SORCS2: variants seen among roughly 807,000 people sequenced by gnomAD.
SORCS2 encodes sortilin related VPS10 domain containing receptor 2.
In SORCS2, 100 loss-of-function variants were observed where a neutral mutation model predicts 141.6. The ratio of observed to expected loss-of-function variants is 0.71; its 90% CI spans 0.60 to 0.83. The LOEUF (loss-of-function observed/expected upper bound fraction) is 0.83, where lower values mean the gene tolerates loss of function less well. Among genes scored for constraint, SORCS2 ranks in the 40% least tolerant of loss-of-function variants. The pLI, the probability that SORCS2 is intolerant of heterozygous loss-of-function variation, is 0.00. For synonymous variants in SORCS2, 789 were observed against 676.9 expected (o/e 1.17, Z -2.57); for missense variants, 1,646 against 1,560.2 (o/e 1.05, Z -0.93).
chr4:7,686,314 G>A (rs780168719), intron 10 of SORCS2, among the ~76,000 whole-genome samples: 8 of 152,256 alleles, frequency 5.3e-5, no homozygotes, highest in Non-Finnish European at 8.8e-5. Flanking sequence ...CTTCTAAGGC[G>A]TGAGGCTGCA....
At chr4:7,443,610 G>A (rs1727816306) in intron 2 of SORCS2, among the ~76,000 whole-genome samples, 1 of 152,198 alleles carries the variant, frequency 6.6e-6, no homozygotes, top group African/African-American at 2.4e-5. Flanking sequence ...TTATCATAAG[G>A]TGCAGAGACC....
chr4:7,602,651 A>C (rs977287598), intron 3 of SORCS2, among the ~76,000 whole-genome samples: 4 of 145,656 alleles, frequency 2.7e-5, no homozygotes, highest in Non-Finnish European at 6.0e-5. Context: ...GACTGCCGGG[A>C]AGAGGCACTC....
Position 7,232,135 on chromosome 4 carries a change from C to T in SORCS2, c.480+39009C>T, listed in dbSNP as rs568200698. ...CTGTCTTGCATAGCTTGGGGCACAG[C>T]GTGGAGCAGGATTGGGGGAATGGAG... On this transcript the variant is annotated intron_variant, in intron 1 of 26. Transcript: ENST00000507866. Among the ~76,000 whole-genome samples the T allele has an allele frequency of 1.1e-4, 16 of 152,228 alleles. No homozygotes were observed. The East Asian group carries it at 2.7e-3, about 26-fold the overall frequency.
intron 2 of SORCS2, among the ~76,000 whole-genome samples, chr4:7,443,408 C>T (rs376665738): frequency 1.2e-3 from 182 of 152,296 alleles, no homozygotes; most frequent in African/African-American, 4.1e-3. Context: ...GCCTCTAAAG[C>T]CCTTCTGAGC....
intron 1 of SORCS2, among the ~76,000 whole-genome samples, chr4:7,320,483 T>C (rs1311064224): frequency 6.6e-6 from 1 of 152,244 alleles, no homozygotes; most frequent in African/African-American, 2.4e-5. Context: ...GCTGGGAAGA[T>C]TCACATTTGA....
intron 1 of SORCS2, among the ~76,000 whole-genome samples, chr4:7,384,271 C>T (rs1723157368): frequency 6.6e-6 from 1 of 152,148 alleles, no homozygotes; most frequent in East Asian, 1.9e-4. Flanking sequence ...CAACATGGTT[C>T]CCAGGGACAA....
At chr4:7,429,137 C>T (rs1402378843) in intron 2 of SORCS2, among the ~76,000 whole-genome samples, 1 of 152,144 alleles carries the variant, frequency 6.6e-6, no homozygotes, top group East Asian at 1.9e-4. Flanking sequence ...GAGGCACATG[C>T]GTGAGTGTGT....
intron 20 of SORCS2, 61 bp from the exon 21 acceptor site, chr4:7,726,719 G>A: frequency 2.5e-6 from 4 of 1,582,528 alleles, no homozygotes; most frequent in East Asian, 2.3e-5. Context: ...CCATAGGCCA[G>A]CGTCCCCCAC....
intron 2 of SORCS2, among the ~76,000 whole-genome samples, chr4:7,474,665 G>A (rs1018162549): frequency 1.3e-5 from 2 of 152,218 alleles, no homozygotes; most frequent in Non-Finnish European, 2.9e-5. Flanking sequence ...AGATGAGGGG[G>A]AGTGTGGACA....
At chr4:7,481,473 G>C (rs1225367271) in intron 2 of SORCS2, among the ~76,000 whole-genome samples, 1 of 152,218 alleles carries the variant, frequency 6.6e-6, no homozygotes, top group African/African-American at 2.4e-5. Flanking sequence ...TGGCATCTGG[G>C]GAGATCTGGA....
intron 2 of SORCS2, among the ~76,000 whole-genome samples, chr4:7,402,915 C>T (rs760500477): frequency 9.2e-5 from 14 of 151,964 alleles, no homozygotes; most frequent in Admixed American, 2.0e-4. Flanking sequence ...GGTTGCTTAA[C>T]TTTTTCTTGA....
chr4:7,721,488 C>G (rs928559421), intron 18 of SORCS2, among the ~76,000 whole-genome samples: 1 of 152,106 alleles, frequency 6.6e-6, no homozygotes, highest in African/African-American at 2.4e-5. Flanking sequence ...ATAGTAATAC[C>G]TGCTTCAACC....
chr4:7,644,986 C>T lies in SORCS2; in HGVS notation c.813+6494C>T, dbSNP rs1012277807. 3.3e-5 allele frequency among the ~76,000 whole-genome samples: 5 copies of T among 152,156 alleles called. No homozygotes were observed. The South Asian group carries it at 6.2e-4, about 19-fold the overall frequency. On this transcript the variant is annotated intron_variant, in intron 4 of 26. Transcript: ENST00000507866. The stretch of plus-strand genomic sequence containing the variant: ...AGCAATTGATGGTGGATAGTAAAAG[C>T]GCCTCCCAGGAGAGTGAGTTGGAAA...
chr4:7,677,671 A>C (rs1272456839), intron 9 of SORCS2, among the ~76,000 whole-genome samples: 1 of 152,200 alleles, frequency 6.6e-6, no homozygotes, highest in Admixed American at 6.5e-5. Context: ...CAGGCTCAGC[A>C]TTCATCCCTC....
At chr4:7,219,273 T>C (rs1213038856) in intron 1 of SORCS2, among the ~76,000 whole-genome samples, 2 of 151,992 alleles carry the variant, frequency 1.3e-5, no homozygotes, top group African/African-American at 2.4e-5. Flanking sequence ...AGGTAACCCA[T>C]GCGACAGCCT....
chr4:7,558,302 G>T (rs921043466), intron 3 of SORCS2, among the ~76,000 whole-genome samples: 8 of 152,182 alleles, frequency 5.3e-5, no homozygotes, highest in African/African-American at 1.7e-4. Context: ...GCTGTCCTAT[G>T]CATCGTAGGG....
intron 18 of SORCS2, among the ~76,000 whole-genome samples, chr4:7,723,369 T>TC (rs1726729972): frequency 1.3e-5 from 2 of 152,058 alleles, no homozygotes; most frequent in Admixed American, 6.5e-5. Flanking sequence ...TCTGTGGGTC[T>TC]CCCCCGGGCC....
intron 3 of SORCS2, among the ~76,000 whole-genome samples, chr4:7,588,541 G>A (rs1392635299): frequency 6.6e-6 from 1 of 152,192 alleles, no homozygotes; most frequent in Non-Finnish European, 1.5e-5. Flanking sequence ...GCACTTGGAG[G>A]ATCAAGTTCC....
At chr4:7,649,721 T>A (rs1221063544) in intron 4 of SORCS2, among the ~76,000 whole-genome samples, 1 of 152,116 alleles carries the variant, frequency 6.6e-6, no homozygotes, top group Non-Finnish European at 1.5e-5. Flanking sequence ...GGGGCACACC[T>A]GCCTGTGCTG....
Sources: allele counts gnomAD v4.1 joint callset (sites outside exome capture counted in the v4.1 genomes callset), GRCh38; gene constraint gnomAD v4.1.1; transcripts MANE v1.5; gene names NCBI Gene and HGNC (gene_info 2026-07-23, HGNC 2026-07-21).